The following CTNNA3 variants were observed in gnomAD, a reference collection of about 807,000 sequenced individuals.
CTNNA3 encodes the protein catenin alpha 3.
In CTNNA3, 76 loss-of-function variants were observed where a neutral mutation model predicts 95.7. The observed-to-expected ratio is 0.79, with a 90% CI of 0.66 to 0.96. The LOEUF (loss-of-function observed/expected upper bound fraction) is 0.96, where lower values mean the gene tolerates loss of function less well. Among genes scored for constraint, CTNNA3 ranks in the 40% least tolerant of loss-of-function variants. The pLI is 0.00. For synonymous variants in CTNNA3, 431 were observed against 374.4 expected, an observed-to-expected ratio of 1.15 and a Z score of -1.74; for missense variants, 1,191 against 1,089.8, an observed-to-expected ratio of 1.09 and a Z score of -1.31.
At chr10:66,054,516 T>C (rs1211776207) in intron 15 of CTNNA3, among the ~76,000 whole-genome samples, 1 of 152,232 alleles carries the variant, frequency 6.6e-6, no homozygotes, top group Admixed American at 6.5e-5. Context: ...TTGCCATTTG[T>C]ATGTATCCTT....
At chr10:67,185,061 A>C (rs1862767854) in intron 6 of CTNNA3, among the ~76,000 whole-genome samples, 1 of 152,134 alleles carries the variant, frequency 6.6e-6, no homozygotes, top group Non-Finnish European at 1.5e-5. Flanking sequence ...AAAATTGGTT[A>C]AATATCTTAA....
intron 15 of CTNNA3, among the ~76,000 whole-genome samples, chr10:66,009,508 A>C (rs1322667025): frequency 6.6e-6 from 1 of 150,846 alleles, no homozygotes; most frequent in Non-Finnish European, 1.5e-5. Context: ...TACAATGTTT[A>C]CGTTTTAGAT....
chr10:67,679,606 T>C lies in CTNNA3; in HGVS notation c.-6+16394A>G, dbSNP rs576517967. Among the ~76,000 whole-genome samples the C allele has an allele frequency of 7.9e-5, 12 of 152,312 alleles. No homozygotes were observed. The East Asian group carries it at 1.3e-3, about 17-fold the overall frequency. ...AAGAGAACAATGATTTTTTGCTACA[T>C]TGGTATAGGTTCATTAGGAGCCACT... On this transcript the variant is annotated intron_variant, in intron 1 of 17. Transcript: ENST00000433211.
At chr10:67,430,158 T>C (rs1478668511) in intron 5 of CTNNA3, among the ~76,000 whole-genome samples, 1 of 151,988 alleles carries the variant, frequency 6.6e-6, no homozygotes, top group African/African-American at 2.4e-5. Context: ...CTCTTAAACA[T>C]TCCAAATATG....
chr10:66,219,788 T>C (rs1368976911), intron 13 of CTNNA3, among the ~76,000 whole-genome samples: 2 of 152,080 alleles, frequency 1.3e-5, no homozygotes, highest in Non-Finnish European at 2.9e-5. Flanking sequence ...TTGGGGTAAT[T>C]TGTTATGCAG....
intron 11 of CTNNA3, among the ~76,000 whole-genome samples, chr10:66,441,592 G>A (rs896398489): frequency 6.6e-6 from 1 of 152,130 alleles, no homozygotes; most frequent in Non-Finnish European, 1.5e-5. Flanking sequence ...ATTACATAAT[G>A]CAAACATTTG....
At chr10:67,563,139 C>T (rs996702103) in intron 3 of CTNNA3, among the ~76,000 whole-genome samples, 15 of 152,218 alleles carry the variant, frequency 9.9e-5, no homozygotes, top group Middle Eastern at 3.4e-3. Flanking sequence ...GAAAAAACTA[C>T]TTTAAAGTTC....
At chr10:67,687,018 T>A (rs781520570) in intron 1 of CTNNA3, among the ~76,000 whole-genome samples, 9 of 152,114 alleles carry the variant, frequency 5.9e-5, no homozygotes, top group Non-Finnish European at 8.8e-5. Context: ...AAGAAAGGCA[T>A]GTGAAAAGAG....
chr10:66,171,631 C>T (rs866562719), intron 13 of CTNNA3, among the ~76,000 whole-genome samples: 1 of 151,982 alleles, frequency 6.6e-6, no homozygotes, highest in East Asian at 1.9e-4. Flanking sequence ...GTTATGATGT[C>T]CTGCTTGGCA....
intron 12 of CTNNA3, among the ~76,000 whole-genome samples, chr10:66,317,906 A>C (rs1379528261): frequency 6.6e-6 from 1 of 152,046 alleles, no homozygotes; most frequent in Non-Finnish European, 1.5e-5. Flanking sequence ...AATTACATTC[A>C]CTAATGGATT....
rs1392331374 is a variant in CTNNA3 at position 67,566,016 on chromosome 10, A to AAC, written c.293-26349_293-26348dup. On this transcript the variant is annotated intron_variant, in intron 3 of 17. Transcript: ENST00000433211. ...TATATTATATATATATACACACACA[A>AAC]ACACACACACACACATATGTGTGTG... Among the ~76,000 whole-genome samples the AAC allele has an allele frequency of 1.7e-4, 10 of 57,204 alleles. No individual in the cohort carries two copies. The South Asian group carries it at 6.4e-3, about 36-fold the overall frequency. The allele number at this position is 57,204 out of a possible 152,430, so 37.5% of individuals were successfully genotyped here. A position where few individuals can be genotyped will look rare whatever the true frequency, so the allele number is the denominator to read the frequency against.
At chr10:66,805,615 T>A (rs1181780704) in intron 7 of CTNNA3, among the ~76,000 whole-genome samples, 1 of 151,746 alleles carries the variant, frequency 6.6e-6, no homozygotes, top group East Asian at 1.9e-4. Context: ...CTGAGATGTC[T>A]ATTTTTCTCA....
At chr10:67,251,872 T>C (rs1866120944) in intron 5 of CTNNA3, among the ~76,000 whole-genome samples, 1 of 152,096 alleles carries the variant, frequency 6.6e-6, no homozygotes, top group South Asian at 2.1e-4. Flanking sequence ...ATCAGGAAAC[T>C]ATTTTCCACA....
intron 7 of CTNNA3, among the ~76,000 whole-genome samples, chr10:66,819,510 A>G (rs963343730): frequency 1.3e-5 from 2 of 152,214 alleles, no homozygotes; most frequent in African/African-American, 4.8e-5. Context: ...AAAATGAAGC[A>G]CTTTTCAAAA....
chr10:66,248,233 A>G (rs10822777), intron 13 of CTNNA3, among the ~76,000 whole-genome samples: 32,485 of 151,848 alleles, frequency 0.21, 3,675 homozygotes, highest in South Asian at 0.29. Flanking sequence ...ACCTCAAATC[A>G]AAATATACAA....
intron 5 of CTNNA3, among the ~76,000 whole-genome samples, chr10:67,342,263 G>A (rs1281924757): frequency 1.3e-5 from 2 of 151,398 alleles, no homozygotes; most frequent in African/African-American, 2.4e-5. Flanking sequence ...CACCATGCCC[G>A]GCTAATTTTT....
intron 7 of CTNNA3, among the ~76,000 whole-genome samples, chr10:66,973,702 C>A (rs910440603): frequency 2.4e-4 from 36 of 152,168 alleles, no homozygotes; most frequent in Admixed American, 1.8e-3. Flanking sequence ...CGGCTCACTG[C>A]AACCTCCATC....
chr10:66,717,207 G>T (rs542111173), intron 9 of CTNNA3, among the ~76,000 whole-genome samples: 11 of 152,172 alleles, frequency 7.2e-5, no homozygotes, highest in African/African-American at 2.4e-4. Context: ...CTACGCGATA[G>T]ATTTCAGACC....
chr10:66,468,537 G>A (rs975006557), intron 11 of CTNNA3, among the ~76,000 whole-genome samples: 1 of 151,900 alleles, frequency 6.6e-6, no homozygotes, highest in Non-Finnish European at 1.5e-5. Context: ...AAGTTCTGGA[G>A]ATCTAATGTG....
Sources: allele counts gnomAD v4.1 joint callset (sites outside exome capture counted in the v4.1 genomes callset), GRCh38; gene constraint gnomAD v4.1.1; transcripts MANE v1.5; gene names NCBI Gene and HGNC (gene_info 2026-07-23, HGNC 2026-07-21).